Variants in GPHN observed in about 807,000 individuals in gnomAD.
GPHN encodes the protein gephyrin.
Under a neutral mutation model 95.5 loss-of-function variants are expected in GPHN, and 17 were observed. The observed-to-expected ratio is 0.18, with a 90% CI of 0.12 to 0.27. GPHN has a LOEUF of 0.27. GPHN is among the 10% of genes least tolerant of loss of function. The pLI is 1.00. For synonymous variants in GPHN, 320 were observed against 322.5 expected, an observed-to-expected ratio of 0.99 and a Z score of 0.08; for missense variants, 660 against 978.1, an observed-to-expected ratio of 0.67 and a Z score of 4.34.
intron 15 of GPHN, 64 bp downstream of exon 15, chr14:67,111,983 A>T: frequency 8.3e-7 from 1 of 1,203,362 alleles, no homozygotes; most frequent in South Asian, 1.2e-5. Context: ...TTACTCAGGA[A>T]ACCCTGGCTA....
At chr14:66,932,260 G>C (rs753510020) in intron 8 of GPHN, among the ~76,000 whole-genome samples, 3 of 151,918 alleles carry the variant, frequency 2.0e-5, no homozygotes, top group Non-Finnish European at 2.9e-5. Flanking sequence ...CCTGGAGTTG[G>C]GGAAGGGTTA....
At chr14:67,395,656 G>C in the GPHN span, 4 of 1,318,100 alleles carry the variant, frequency 3.0e-6, no homozygotes, top group South Asian at 2.6e-5. Flanking sequence ...AAAATGACGG[G>C]GCCCCGGGAG....
In GPHN at chr14:66,603,892, C is replaced by CAT. The variant is rs1566686396; in HGVS notation, c.65-77215_65-77214insAT. Among the ~76,000 whole-genome samples, 3 of 151,954 alleles carry CAT rather than the reference C, an allele frequency of 2.0e-5. 1 individual carries two copies. The South Asian group carries it at 6.2e-4, about 32-fold the overall frequency. Reference sequence around the variant, plus strand: ...CACATTTAATAGTTTGATTATACATCTTATGATTAATGTTAGTATTATCTG... The same window carrying CAT: ...CACATTTAATAGTTTGATTATACATCATTTATGATTAATGTTAGTATTATCTG... On this transcript the variant is annotated intron_variant, in intron 1 of 22. Coordinates refer to ENST00000478722, the MANE Select transcript of GPHN (RefSeq NM_020806.5).
the GPHN span, among the ~76,000 whole-genome samples, chr14:67,216,079 T>A: frequency 2.6e-5 from 4 of 152,302 alleles, 1 homozygote; most frequent in African/African-American, 9.6e-5. Flanking sequence ...CACCGTGTCC[T>A]CCTACCAATC....
chr14:67,601,351 G>A, the GPHN span, among the ~76,000 whole-genome samples: 3 of 152,256 alleles, frequency 2.0e-5, no homozygotes, highest in African/African-American at 7.2e-5. Flanking sequence ...GTTGGAAGCT[G>A]GGGAGGCAGG....
the GPHN span, chr14:67,725,377 C>T: frequency 1.0e-6 from 1 of 987,056 alleles, no homozygotes; most frequent in South Asian, 1.4e-5. Flanking sequence ...GGTTCTGCCA[C>T]ATGAACCAGC....
chr14:67,695,717 A>T, the GPHN span: 1 of 1,613,360 alleles, frequency 6.2e-7, no homozygotes, highest in Non-Finnish European at 8.5e-7. Context: ...TGCCGGCTGC[A>T]GCGGCACCAG....
chr14:67,193,417 CTATATT>C, the GPHN span, among the ~76,000 whole-genome samples: 1 of 137,974 alleles, frequency 7.2e-6, no homozygotes, highest in Non-Finnish European at 1.6e-5. Context: ...ATCTATATAT[CTATATT>C]TATATCTGTA....
the GPHN span, among the ~76,000 whole-genome samples, chr14:67,328,152 C>A: frequency 2.6e-5 from 4 of 151,992 alleles, no homozygotes; most frequent in African/African-American, 7.3e-5. Flanking sequence ...CTGTTGTTTC[C>A]GACTTTTTAA....
chr14:67,150,681 T>G (rs1595391885), intron 18 of GPHN, among the ~76,000 whole-genome samples: 1 of 151,998 alleles, frequency 6.6e-6, no homozygotes, highest in Admixed American at 6.5e-5. Flanking sequence ...CTGAGGTTTT[T>G]TTATTATTGT....
At chr14:67,059,850 T>G (rs1594978196) in intron 11 of GPHN, among the ~76,000 whole-genome samples, 1 of 152,286 alleles carries the variant, frequency 6.6e-6, no homozygotes, top group East Asian at 1.9e-4. Flanking sequence ...TTAAATCGTT[T>G]GTTTTTCTTT....
the GPHN span, among the ~76,000 whole-genome samples, chr14:67,568,248 G>A: frequency 6.6e-6 from 1 of 152,168 alleles, no homozygotes; most frequent in South Asian, 2.1e-4. Context: ...TATACACCAT[G>A]GAATACCGTG....
At chr14:66,915,748 A>G (rs1183448822) in intron 5 of GPHN, among the ~76,000 whole-genome samples, 2 of 152,184 alleles carry the variant, frequency 1.3e-5, no homozygotes, top group Admixed American at 6.5e-5. Flanking sequence ...ACTTGGTCAG[A>G]TTGCTTAAAA....
chr14:67,284,301 C>G, the GPHN span, among the ~76,000 whole-genome samples: 2 of 151,512 alleles, frequency 1.3e-5, no homozygotes, highest in African/African-American at 4.8e-5. Context: ...TTTTAGTATA[C>G]TCACAAGGTT....
intron 8 of GPHN, among the ~76,000 whole-genome samples, chr14:66,951,514 CAAAAA>C (rs34837551): frequency 1.6e-5 from 1 of 63,862 alleles, no homozygotes; most frequent in Non-Finnish European, 3.2e-5. Context: ...AACTTCATCT[CAAAAA>C]AAAAAAAAAA....
chr14:67,313,440 A>C, the GPHN span, among the ~76,000 whole-genome samples: 1 of 152,136 alleles, frequency 6.6e-6, no homozygotes, highest in Non-Finnish European at 1.5e-5. Context: ...AACCACCATC[A>C]TATATATGGT....
chr14:67,086,479 G>A lies in GPHN; in HGVS notation c.1145-2504G>A, dbSNP rs1483942236. Among the ~76,000 whole-genome samples, 23 of 144,834 alleles carry A rather than the reference G, an allele frequency of 1.6e-4. No individual in the cohort carries two copies. In the East Asian group the frequency reaches 2.1e-3, roughly 14 times the overall value. ...ATCCTGGCTAACACGGTGAAACCCCGTCTCTACTAAAAATACAAAAAATTA... is the reference window on the plus strand; with the variant it reads ...ATCCTGGCTAACACGGTGAAACCCCATCTCTACTAAAAATACAAAAAATTA... On this transcript the variant is annotated intron_variant, in intron 11 of 22. Coordinates refer to ENST00000478722, the MANE Select transcript of GPHN (RefSeq NM_020806.5).
intron 1 of GPHN, among the ~76,000 whole-genome samples, chr14:66,510,176 T>A (rs1003748517): frequency 6.6e-6 from 1 of 152,214 alleles, no homozygotes; most frequent in Non-Finnish European, 1.5e-5. Context: ...ACATTGCCAA[T>A]TTTCGAATAA....
chr14:67,257,967 A>G, the GPHN span, among the ~76,000 whole-genome samples: 1 of 152,198 alleles, frequency 6.6e-6, no homozygotes, highest in Non-Finnish European at 1.5e-5. Context: ...GAATATTTGC[A>G]TCATTTAACT....
Sources: gnomAD v4.1 joint callset for allele counts (sites outside exome capture counted in the v4.1 genomes callset) on GRCh38, gnomAD v4.1.1 for gene constraint, MANE v1.5 for transcripts, NCBI Gene and HGNC (gene_info 2026-07-23, HGNC 2026-07-21) for gene names.